POLR2B: variants seen among roughly 807,000 people sequenced by gnomAD.
POLR2B encodes the protein DNA-directed RNA polymerase II subunit RPB2.
In POLR2B, 57 loss-of-function variants were observed where a neutral mutation model predicts 144.6. The observed-to-expected ratio is 0.39, with a 90% CI of 0.32 to 0.49. The LOEUF is 0.49. Ranked by LOEUF, POLR2B falls within the 20% of genes least tolerant of loss-of-function variation. The pLI, the probability that POLR2B is intolerant of heterozygous loss-of-function variation, is 0.83. For missense variants in POLR2B, 595 were observed against 1,467.4 expected (o/e 0.41, Z 9.71); for synonymous variants, 442 against 469.8 (o/e 0.94, Z 0.77).
chr4:56,986,673 T>TA, intron 2 of POLR2B: 2 of 272,902 alleles, frequency 7.3e-6, no homozygotes, highest in East Asian at 7.2e-5. Flanking sequence ...TATATATATA[T>TA]TTTTTTCTGA....
At chr4:57,005,837 G>A in intron 9 of POLR2B, 118 bp downstream of exon 9, 1 of 872,542 alleles carries the variant, frequency 1.1e-6, no homozygotes, top group Non-Finnish European at 1.7e-6. Context: ...TATGAAATTA[G>A]CTACATTCTT....
intron 6 of POLR2B, among the ~76,000 whole-genome samples, chr4:56,996,472 G>C (rs1462489866): frequency 1.3e-4 from 20 of 150,614 alleles, no homozygotes; most frequent in Admixed American, 8.0e-4. Flanking sequence ...TTTTAGTAGA[G>C]ATGGGGTTTC....
Position 57,017,111 on chromosome 4 carries a change from T to C in POLR2B, c.2024T>C (p.Leu675Pro). The C allele has an allele frequency of 6.2e-7, 1 of 1,613,022 alleles. No homozygotes were observed. The highest frequency in any genetic ancestry group is 8.5e-7 in the Non-Finnish European group (1 of 1,179,348). The change falls in exon 15 of 25, where the codon CTT becomes CCT. Residue 675 changes from leucine to proline, a missense_variant. This residue lies in a region of POLR2B where 59 missense variants were observed against 84.2 expected (regional missense o/e 0.70). Coordinates refer to ENST00000314595, the MANE Select transcript of POLR2B (RefSeq NM_000938.3). The surrounding 1 kb of genome is among the most constrained non-coding windows in gnomAD (Gnocchi z 4.8). ...IDTLEEETVM[L>P]AMTPDDLQEK... ...ACCCTGGAAGAAGAAACAGTGATGC[T>C]TGCAATGACTCCAGATGATTTACAG... is the stretch of plus-strand genomic sequence containing the variant.
At position 57,016,913 on chromosome 4, in the gene POLR2B, T is replaced by A. The variant is rs190446669; in HGVS notation, c.1956-130T>A. On this transcript the variant is annotated intron_variant, in intron 14 of 24. Transcript: ENST00000314595. ...TATAATATTAAACTATATATATATA[T>A]AAATATATATGTATATTTAATATAT... 1,794 of 249,312 alleles carry A rather than the reference T, an allele frequency of 7.2e-3. 43 individuals carry two copies. Among genetic ancestry groups the A allele is most frequent in the African/African-American group, 0.039 (1,683 of 43,320 alleles). The allele number at this position is 249,312 out of a possible 1,614,324, so 15.4% of individuals were successfully genotyped here.
At chr4:56,986,770 G>GGTGATAGA (rs1048443771) in intron 2 of POLR2B, 2 of 167,356 alleles carry the variant, frequency 1.2e-5, no homozygotes, top group African/African-American at 4.8e-5. Flanking sequence ...CTCCAGTCTT[G>GGTGATAGA]GTGATAGAGT....
chr4:57,004,424 T>G (rs1042262529), intron 7 of POLR2B, among the ~76,000 whole-genome samples: 7 of 151,630 alleles, frequency 4.6e-5, no homozygotes, highest in Non-Finnish European at 1.0e-4. Flanking sequence ...TAGATTTAGG[T>G]TCTCACTTTC....
Position 57,004,707 on chromosome 4 carries a change from C to T in POLR2B, c.901-539C>T, listed in dbSNP as rs1275975728. Among the ~76,000 whole-genome samples the T allele has an allele frequency of 5.3e-5, 8 of 152,074 alleles. No homozygotes were observed. In the South Asian group the frequency reaches 6.2e-4, roughly 12 times the overall value. ...CGCACCACTCTTTTTCCTTTTGAGA[C>T]GGTGTCTCACTCTGTCACCCAGGCT... On this transcript the variant is annotated intron_variant, in intron 7 of 24. Coordinates refer to ENST00000314595, the MANE Select transcript of POLR2B (RefSeq NM_000938.3).
Position 57,020,190 on chromosome 4 carries a change from C to T in POLR2B, c.2324-709C>T, listed in dbSNP as rs747844234. 1.3e-4 allele frequency among the ~76,000 whole-genome samples: 20 copies of T among 152,076 alleles called. 1 individual carries two copies. Among genetic ancestry groups the T allele is most frequent in the Admixed American group, 9.8e-4 (15 of 15,244 alleles). On this transcript the variant is annotated intron_variant, in intron 16 of 24. Coordinates refer to ENST00000314595, the MANE Select transcript of POLR2B (RefSeq NM_000938.3). Reference sequence around the variant, plus strand: ...CTGGGACTGCAGGCGCGTGCCACCACGCCCAGCTAGTTTTTGTATTTTTAT... The same window carrying T: ...CTGGGACTGCAGGCGCGTGCCACCATGCCCAGCTAGTTTTTGTATTTTTAT...
intron 3 of POLR2B, among the ~76,000 whole-genome samples, chr4:56,991,967 A>AT (rs1242961175): frequency 3.3e-5 from 5 of 152,010 alleles, no homozygotes; most frequent in African/African-American, 1.2e-4. Flanking sequence ...TTGTTGGGTC[A>AT]TTTTTTCTTC....
At chr4:57,021,992 C>T (rs1010890463) in intron 17 of POLR2B, among the ~76,000 whole-genome samples, 160 bp from the exon 18 acceptor site, 8 of 152,166 alleles carry the variant, frequency 5.3e-5, no homozygotes, top group African/African-American at 1.9e-4. Context: ...CATGTGATAA[C>T]ATTTAGAGTT....
intron 1 of POLR2B, 60 bp downstream of exon 1, chr4:56,979,064 A>G: frequency 6.4e-7 from 1 of 1,560,270 alleles, no homozygotes; most frequent in Non-Finnish European, 8.8e-7. Flanking sequence ...AGCGTTGGGA[A>G]CTGATTGGAT....
intron 6 of POLR2B, among the ~76,000 whole-genome samples, chr4:56,996,740 T>C (rs1722703216): frequency 6.6e-6 from 1 of 152,156 alleles, no homozygotes; most frequent in Admixed American, 6.5e-5. Context: ...ATTCTTCCCA[T>C]GTGCACAACA....
intron 4 of POLR2B, 36 bp downstream of exon 4, chr4:56,994,552 T>C (rs1265804818): frequency 1.4e-6 from 2 of 1,454,810 alleles, no homozygotes; most frequent in Admixed American, 1.7e-5. Flanking sequence ...CAGTAGATAC[T>C]GAAATAGAAT....
At chr4:57,029,952 A>G (rs1723858268) in intron 23 of POLR2B, among the ~76,000 whole-genome samples, 1 of 152,060 alleles carries the variant, frequency 6.6e-6, no homozygotes, top group Admixed American at 6.6e-5. Context: ...CAAGAGATCC[A>G]CCCAGTCCAC....
intron 16 of POLR2B, among the ~76,000 whole-genome samples, chr4:57,019,072 A>G (rs1470498222): frequency 2.0e-5 from 3 of 152,208 alleles, no homozygotes; most frequent in East Asian, 1.9e-4. Context: ...GCAAATTCTC[A>G]TAGGTTAAAA....
chr4:56,982,563 C>G (rs1722187849), intron 1 of POLR2B, among the ~76,000 whole-genome samples: 1 of 151,456 alleles, frequency 6.6e-6, no homozygotes, highest in African/African-American at 2.4e-5. Context: ...ACAGCAAGGC[C>G]CTGTCTCAAA....
At chr4:57,003,169 C>G (rs868627391) in intron 7 of POLR2B, among the ~76,000 whole-genome samples, 2 of 152,120 alleles carry the variant, frequency 1.3e-5, no homozygotes, top group Non-Finnish European at 2.9e-5. Flanking sequence ...CGGTGGCTCA[C>G]GCCTGTAATC....
At chr4:56,984,528 G>A (rs1020697844) in intron 1 of POLR2B, among the ~76,000 whole-genome samples, 4 of 152,052 alleles carry the variant, frequency 2.6e-5, no homozygotes, top group Non-Finnish European at 4.4e-5. Flanking sequence ...CTCTAAAGCC[G>A]ATCTCATCAT....
chr4:57,025,362 CTG>C lies in POLR2B; in HGVS notation c.3079-11_3079-10del, dbSNP rs1723681015. On this transcript the variant is annotated splice_polypyrimidine_tract_variant and intron_variant, in intron 22 of 24. Coordinates refer to ENST00000314595, the MANE Select transcript of POLR2B (RefSeq NM_000938.3). ...AATTTTTAGGTCTACACTTCAAAAT[CTG>C]TGTTTGTTGCAGGTCCTGTACAATG... is the stretch of plus-strand genomic sequence containing the variant. 14 of 1,601,688 alleles carry C rather than the reference CTG, an allele frequency of 8.7e-6. No homozygotes were observed. The highest frequency in any genetic ancestry group is 1.2e-5 in the Non-Finnish European group (14 of 1,169,152).
Sources: gnomAD v4.1 joint callset for allele counts (sites outside exome capture counted in the v4.1 genomes callset) on GRCh38, gnomAD v4.1.1 for gene constraint, gnomAD v4.1.1 regional missense constraint, Gnocchi (gnomAD v3.1) non-coding constraint, MANE v1.5 for transcripts, NCBI Gene and HGNC (gene_info 2026-07-23, HGNC 2026-07-21) for gene names.